RSBN1: variants seen among roughly 807,000 people sequenced by gnomAD.
RSBN1 encodes lysine-specific demethylase 9.
A neutral mutation model predicts 74.8 loss-of-function variants in RSBN1; 23 were observed. The observed-to-expected ratio is 0.31, with a 90% CI of 0.22 to 0.44. The LOEUF (loss-of-function observed/expected upper bound fraction) is 0.44. RSBN1 is among the 20% of genes least tolerant of loss of function. The pLI is 1.00. For synonymous variants in RSBN1, 407 were observed against 379.6 expected, an observed-to-expected ratio of 1.07 and a Z score of -0.84; for missense variants, 808 against 1,020.9, an observed-to-expected ratio of 0.79 and a Z score of 2.84.
chr1:113,782,234 A>C (rs763921500), intron 2 of RSBN1, among the ~76,000 whole-genome samples: 16 of 152,236 alleles, frequency 1.1e-4, no homozygotes, highest in Admixed American at 9.8e-4. Flanking sequence ...AAAATGACTC[A>C]AAATAAGGTT....
chr1:113,783,692 GC>G (rs1375601817), intron 2 of RSBN1, among the ~76,000 whole-genome samples: 2 of 152,170 alleles, frequency 1.3e-5, no homozygotes, highest in East Asian at 3.8e-4. Flanking sequence ...TAAGGAAGTG[GC>G]TTGCCCTCCA....
chr1:113,782,153 T>C (rs1660151063), intron 2 of RSBN1, among the ~76,000 whole-genome samples: 1 of 152,188 alleles, frequency 6.6e-6, no homozygotes, highest in Non-Finnish European at 1.5e-5. Context: ...TTCTAAATAA[T>C]TTCTGCTGCC....
At chr1:113,767,242 A>G (rs752731229) in intron 5 of RSBN1, 35 bp from the exon 6 acceptor site, 5 of 1,207,408 alleles carry the variant, frequency 4.1e-6, no homozygotes, top group Non-Finnish European at 4.7e-6. Flanking sequence ...AGAGACAAAC[A>G]TCTCACAATG....
chr1:113,796,266 T>C (rs993584850), intron 2 of RSBN1: 6 of 152,228 alleles, frequency 3.9e-5, no homozygotes, highest in African/African-American at 1.4e-4. Flanking sequence ...CAGCCCCATC[T>C]TGCGACCTCT....
At chr1:113,793,881 G>A (rs1328217597) in intron 2 of RSBN1, among the ~76,000 whole-genome samples, 1 of 151,962 alleles carries the variant, frequency 6.6e-6, no homozygotes, top group Non-Finnish European at 1.5e-5. Context: ...TGACCAGGCT[G>A]GTCTCAAAAT....
Position 113,811,725 on chromosome 1 carries a change from T to G in RSBN1, c.688A>C (p.Lys230Gln). ...GERTGGVPLIKAPKRETPDEN... is the reference protein window; with the variant it reads ...GERTGGVPLIQAPKRETPDEN... Reference sequence around the variant, plus strand: ...CTGCTCTCACCTCTCTTGGGGGCTTTGATCAGAGGCACCCCTCCAGTCCTC... The same window carrying G: ...CTGCTCTCACCTCTCTTGGGGGCTTGGATCAGAGGCACCCCTCCAGTCCTC... The change falls in exon 1 of 7, where the codon AAA becomes CAA. Residue 230 changes from lysine (K) to glutamine (Q), a missense_variant. Around this residue, in one of 6 missense-constraint regions of RSBN1, gnomAD observed 464 missense variants for 401.0 expected, o/e 1.16. Transcript: ENST00000261441. 1 of 1,600,600 alleles carries G rather than the reference T, an allele frequency of 6.2e-7. No homozygotes were observed. The highest frequency in any genetic ancestry group is 2.2e-5 in the East Asian group (1 of 44,626).
At chr1:113,785,554 T>C (rs77721403) in intron 2 of RSBN1, among the ~76,000 whole-genome samples, 1,827 of 152,282 alleles carry the variant, frequency 0.012, 41 homozygotes, top group African/African-American at 0.041. Context: ...TCAACACAGG[T>C]ATAGCAAACC....
chr1:113,791,710 G>C (rs1185981226), intron 2 of RSBN1, among the ~76,000 whole-genome samples: 1 of 150,738 alleles, frequency 6.6e-6, no homozygotes, highest in East Asian at 1.9e-4. Context: ...CTTAAAATAA[G>C]AGGAAAAAAA....
chr1:113,774,084 T>C (rs1339363637), intron 4 of RSBN1, among the ~76,000 whole-genome samples: 1 of 152,112 alleles, frequency 6.6e-6, no homozygotes, highest in Non-Finnish European at 1.5e-5. Flanking sequence ...ATACAATCAG[T>C]GGTATGCTCT....
intron 2 of RSBN1, among the ~76,000 whole-genome samples, chr1:113,781,487 C>T (rs762357294): frequency 1.3e-5 from 2 of 152,186 alleles, no homozygotes; most frequent in Non-Finnish European, 2.9e-5. Flanking sequence ...TTTCATTCCA[C>T]ATATTATCTG....
chr1:113,797,196 C>T (rs1358888779), intron 2 of RSBN1, among the ~76,000 whole-genome samples, 167 bp downstream of exon 2: 1 of 152,140 alleles, frequency 6.6e-6, no homozygotes, highest in East Asian at 1.9e-4. Context: ...CCCACCCGAA[C>T]TCAGTAATTA....
Position 113,761,928 on chromosome 1 carries a change from A to G in RSBN1, c.*4052T>C, listed in dbSNP as rs1659686124. 6.5e-6 allele frequency: 1 copy of G among 152,744 alleles called. No homozygotes were observed. The highest frequency in any genetic ancestry group is 2.4e-5 in the African/African-American group (1 of 41,452). 9.5% of individuals were successfully genotyped at this position (152,744 alleles called of 1,614,324 possible). On this transcript the variant is annotated 3_prime_UTR_variant, in exon 7 of 7. Coordinates refer to ENST00000261441, the MANE Select transcript of RSBN1 (RefSeq NM_018364.5). ...TCCTATTTTACAAAGAAATAGCTTA[A>G]CAATTTAACACACTTAGACAGCTAC...
At chr1:113,806,865 T>C (rs1256562278) in intron 1 of RSBN1, among the ~76,000 whole-genome samples, 1 of 138,914 alleles carries the variant, frequency 7.2e-6, no homozygotes, top group Non-Finnish European at 1.5e-5. Flanking sequence ...AAAAAAACAT[T>C]AGCCAGGTGT....
At chr1:113,793,658 C>A (rs1256217918) in intron 2 of RSBN1, among the ~76,000 whole-genome samples, 1 of 151,264 alleles carries the variant, frequency 6.6e-6, no homozygotes, top group Non-Finnish European at 1.5e-5. Context: ...TGGATCCATA[C>A]ATTCAATTCC....
intron 1 of RSBN1, among the ~76,000 whole-genome samples, chr1:113,800,628 T>C (rs1357591759): frequency 6.6e-6 from 1 of 152,120 alleles, no homozygotes; most frequent in Non-Finnish European, 1.5e-5. Context: ...GAAGAGGTAT[T>C]TGGTATGCAG....
intron 2 of RSBN1, among the ~76,000 whole-genome samples, chr1:113,792,785 C>T (rs1660391757): frequency 6.6e-6 from 1 of 151,132 alleles, no homozygotes; most frequent in Non-Finnish European, 1.5e-5. Flanking sequence ...GGCCACAGAG[C>T]GAGACCTCAT....
Position 113,796,504 on chromosome 1 carries a change from A to AAT in RSBN1, c.1377+857_1377+858dup, listed in dbSNP as rs572892981. Among the ~76,000 whole-genome samples, 345 of 152,042 alleles carry AAT rather than the reference A, an allele frequency of 2.3e-3. 4 individuals are homozygous for AAT. Among genetic ancestry groups the AAT allele is most frequent in the African/African-American group, 8.0e-3 (330 of 41,490 alleles). On this transcript the variant is annotated intron_variant, in intron 2 of 6. Transcript: ENST00000261441. ...CGGCAACAATCTATTTACCTAAAAA[A>AAT]ATATATATATATTAAGGGAAAAGAA... is the stretch of plus-strand genomic sequence containing the variant.
chr1:113,790,016 A>T (rs1306693990), intron 2 of RSBN1, among the ~76,000 whole-genome samples: 1 of 152,220 alleles, frequency 6.6e-6, no homozygotes, highest in Non-Finnish European at 1.5e-5. Flanking sequence ...AAATGTTAAA[A>T]GATAAAACGA....
chr1:113,777,530 ATAT>A lies in RSBN1; in HGVS notation c.1515+138_1515+140del, dbSNP rs559058754. On this transcript the variant is annotated intron_variant, in intron 3 of 6. Transcript: ENST00000261441. ...AATTGAATTTAAGTACTTTGTACTA[ATAT>A]TATTCTATCTAAACATTTCTGTGCA... 9.1e-5 allele frequency: 86 copies of A among 941,242 alleles called. 1 individual carries two copies. The East Asian group carries it at 2.2e-3, about 24-fold the overall frequency. 58.3% of individuals were successfully genotyped at this position (941,242 alleles called of 1,614,324 possible).
Sources: allele counts gnomAD v4.1 joint callset (sites outside exome capture counted in the v4.1 genomes callset), GRCh38; gene constraint gnomAD v4.1.1; regional missense constraint gnomAD v4.1.1; transcripts MANE v1.5; gene names NCBI Gene and HGNC (gene_info 2026-07-23, HGNC 2026-07-21).